Variants in SRRM3 observed in about 807,000 individuals in gnomAD.
SRRM3 encodes the protein serine/arginine repetitive matrix 3, also known as serine/arginine repetitive matrix protein 3.
In SRRM3, 27 loss-of-function variants were observed where a neutral mutation model predicts 66.2. The ratio of observed to expected loss-of-function variants is 0.41; its 90% CI spans 0.30 to 0.56. The LOEUF is 0.56. Ranked by LOEUF, SRRM3 falls within the 20% of genes least tolerant of loss-of-function variation. The probability of loss-of-function intolerance (pLI) is 0.32; values close to 1 mark genes in which losing one functional copy is unlikely to be tolerated. For missense variants in SRRM3, 918 were observed against 991.9 expected (o/e 0.93, Z 1.00); for synonymous variants, 391 against 414.9 (o/e 0.94, Z 0.70).
chr7:76,246,016 T>C (rs1554606125), intron 2 of SRRM3, among the ~76,000 whole-genome samples: 1 of 152,106 alleles, frequency 6.6e-6, no homozygotes, highest in Non-Finnish European at 1.5e-5. Flanking sequence ...TTATTCATTC[T>C]ATTTTTTGTA....
At chr7:76,259,147 G>T (rs1385698406) in intron 3 of SRRM3, among the ~76,000 whole-genome samples, 1 of 151,042 alleles carries the variant, frequency 6.6e-6, no homozygotes, top group Non-Finnish European at 1.5e-5. Flanking sequence ...TGGGGATGGG[G>T]TTCCCAGAAT....
At chr7:76,235,916 G>T (rs1554604819) in intron 2 of SRRM3, among the ~76,000 whole-genome samples, 1 of 143,590 alleles carries the variant, frequency 7.0e-6, no homozygotes. Context: ...TGAGGCAGGA[G>T]AATTTCTTGA....
chr7:76,217,556 G>C (rs1209036155), intron 1 of SRRM3, among the ~76,000 whole-genome samples: 1 of 152,118 alleles, frequency 6.6e-6, no homozygotes, highest in Non-Finnish European at 1.5e-5. Flanking sequence ...ATCACGCTGG[G>C]ATTACAGGCG....
chr7:76,214,206 T>C (rs11975745), intron 1 of SRRM3, among the ~76,000 whole-genome samples: 25,601 of 151,950 alleles, frequency 0.17, 2,440 homozygotes, highest in East Asian at 0.3. Context: ...GGTACCCTGA[T>C]GGAGATTCTC....
At chr7:76,275,396 G>A (rs1430320397) in intron 11 of SRRM3, among the ~76,000 whole-genome samples, 1 of 151,616 alleles carries the variant, frequency 6.6e-6, no homozygotes, top group African/African-American at 2.4e-5. Flanking sequence ...GGCTAAGGCA[G>A]GGGTATCGCT....
rs1554608308 is a variant in SRRM3, at chr7:76,259,999, C to T, written c.429C>T (p.Cys143=). The T allele has an allele frequency of 8.2e-6, 13 of 1,590,984 alleles. No homozygotes were observed. Among genetic ancestry groups the T allele is most frequent in the Non-Finnish European group, 8.5e-6 (10 of 1,174,346 alleles). The change falls in exon 4 of 15, where the codon TGC becomes TGT. Residue 143 remains cysteine (C), a synonymous_variant. Transcript: ENST00000611745. The part of the protein sequence containing the change: ...DDDDGPVDCD[C]PASCYRGHRG... ...ACGACGGCCCAGTGGACTGTGACTG[C>T]CCGGCCTCCTGCTACCGCGGCCACC...
intron 3 of SRRM3, among the ~76,000 whole-genome samples, chr7:76,258,700 T>C (rs551960285): frequency 5.7e-5 from 6 of 105,710 alleles, no homozygotes; most frequent in African/African-American, 7.7e-5. Flanking sequence ...GTCGACAGAG[T>C]GAGACTCCAT....
intron 1 of SRRM3, among the ~76,000 whole-genome samples, chr7:76,222,183 A>T (rs1800740857): frequency 6.6e-6 from 1 of 152,172 alleles, no homozygotes; most frequent in Admixed American, 6.5e-5. Context: ...TGGGAGGCCA[A>T]GGCAGGAGGG....
chr7:76,264,494 C>A (rs1801961048), intron 8 of SRRM3, among the ~76,000 whole-genome samples: 1 of 152,162 alleles, frequency 6.6e-6, no homozygotes, highest in South Asian at 2.1e-4. Context: ...TGGGGCCAGC[C>A]ACACTTCTGT....
rs117638055 is a variant in SRRM3, at chr7:76,230,561, A to G, written c.-39-4467A>G. Among the ~76,000 whole-genome samples, 852 of 149,030 alleles carry G rather than the reference A, an allele frequency of 5.7e-3. 5 individuals are homozygous for G. The highest frequency in any genetic ancestry group is 9.4e-3 in the Non-Finnish European group (634 of 67,162). Reference sequence around the variant, plus strand: ...TCTACTTGGAGGCTGAATCAGGAAGATCACTGAAGCCCAGGAGGTCAAGGC... The same window carrying G: ...TCTACTTGGAGGCTGAATCAGGAAGGTCACTGAAGCCCAGGAGGTCAAGGC... On this transcript the variant is annotated intron_variant, in intron 1 of 14. Coordinates refer to ENST00000611745, the MANE Select transcript of SRRM3 (RefSeq NM_001110199.3).
chr7:76,222,240 T>C (rs1227972426), intron 1 of SRRM3, among the ~76,000 whole-genome samples: 1 of 152,008 alleles, frequency 6.6e-6, no homozygotes, highest in African/African-American at 2.4e-5. Context: ...ACCCTGTCTC[T>C]ACAAAACTTC....
At position 76,265,852 on chromosome 7, in the gene SRRM3, A is replaced by AAATATT. The variant is rs1802007073; in HGVS notation, c.830+384_830+385insAATATT. 1.7e-3 allele frequency among the ~76,000 whole-genome samples: 16 copies of AAATATT among 9,192 alleles called. 1 individual carries two copies. The highest frequency in any genetic ancestry group is 7.5e-3 in the African/African-American group (3 of 400). 6.0% of individuals were successfully genotyped at this position (9,192 alleles called of 152,430 possible). A position where few individuals can be genotyped will look rare whatever the true frequency, so the allele number is the denominator to read the frequency against. On this transcript the variant is annotated intron_variant, in intron 10 of 14. Transcript: ENST00000611745. ...TTTATATATATATATATATATATATATATATATTTTTTTTTTTTTTTTTTT... is the reference window on the plus strand; with the variant it reads ...TTTATATATATATATATATATATATAAATATTTATATATTTTTTTTTTTTTTTTTTT...
intron 3 of SRRM3, among the ~76,000 whole-genome samples, 177 bp from the exon 4 acceptor site, chr7:76,259,729 G>T (rs571922957): frequency 6.6e-6 from 1 of 152,212 alleles, no homozygotes; most frequent in Non-Finnish European, 1.5e-5. Context: ...TGCCCCGTTG[G>T]GTTCCCCAAA....
chr7:76,255,148 C>CTTTCTTTTT (rs1447372520), intron 3 of SRRM3, among the ~76,000 whole-genome samples: 13 of 83,178 alleles, frequency 1.6e-4, no homozygotes, highest in African/African-American at 5.0e-4. Context: ...TTCTTTCTTT[C>CTTTCTTTTT]TTTTTTTTTT....
chr7:76,262,450 G>C (rs1801899067), intron 8 of SRRM3, among the ~76,000 whole-genome samples: 1 of 149,544 alleles, frequency 6.7e-6, no homozygotes, highest in South Asian at 2.1e-4. Context: ...AGGTTGCAGT[G>C]AGCCAAGAGA....
intron 1 of SRRM3, among the ~76,000 whole-genome samples, chr7:76,210,289 G>A (rs1457097556): frequency 2.0e-5 from 3 of 152,166 alleles, no homozygotes; most frequent in Admixed American, 2.0e-4. Context: ...CCCAGAGGGG[G>A]CTTCTGGGGA....
At chr7:76,263,998 G>T (rs970557653) in intron 8 of SRRM3, among the ~76,000 whole-genome samples, 1 of 151,442 alleles carries the variant, frequency 6.6e-6, no homozygotes, top group African/African-American at 2.4e-5. Context: ...CACGGAGGAA[G>T]GGGGCACAGG....
In SRRM3 at chr7:76,282,702, C is replaced by A; in HGVS notation, c.1425C>A (p.Gly475=). The A allele has an allele frequency of 1.4e-6, 2 of 1,421,226 alleles. No individual in the cohort carries two copies. The highest frequency in any genetic ancestry group is 1.8e-6 in the Non-Finnish European group (2 of 1,094,364). 88.0% of individuals were successfully genotyped at this position (1,421,226 alleles called of 1,614,324 possible). Residue 475 remains glycine, a synonymous_variant, in exon 13 of 15, where the codon GGC becomes GGA. Coordinates refer to ENST00000611745, the MANE Select transcript of SRRM3 (RefSeq NM_001110199.3). ...ARPASTSPSP[G]AHGRRGGPEG... is the part of the protein sequence containing the mutation. ...CCGCCAGCACCTCTCCGTCCCCGGG[C>A]GCGCACGGCCGGCGCGGCGGCCCAG...
intron 10 of SRRM3, among the ~76,000 whole-genome samples, chr7:76,265,850 A>ATTTTTTTTT (rs1563634574): frequency 2.0e-4 from 2 of 9,914 alleles, no homozygotes; most frequent in Non-Finnish European, 2.7e-4. Flanking sequence ...ATATATATAT[A>ATTTTTTTTT]TATATATATT....
Sources: allele counts gnomAD v4.1 joint callset (sites outside exome capture counted in the v4.1 genomes callset), GRCh38; gene constraint gnomAD v4.1.1; transcripts MANE v1.5; gene names NCBI Gene and HGNC (gene_info 2026-07-23, HGNC 2026-07-21).